The following TENM4 variants were observed in gnomAD, a reference collection of about 807,000 sequenced individuals.
TENM4 encodes teneurin-4.
In TENM4, 82 loss-of-function variants were observed where a neutral mutation model predicts 243.3. That is an observed-to-expected ratio of 0.34 (90% CI 0.28 to 0.40). The LOEUF (loss-of-function observed/expected upper bound fraction) is 0.40. Ranked by LOEUF, TENM4 falls within the 10% of genes least tolerant of loss-of-function variation. TENM4 has a pLI of 1.00. For synonymous variants in TENM4, 1,412 were observed against 1,456.3 expected (o/e 0.97, Z 0.69); for missense variants, 3,138 against 3,673.3 (o/e 0.85, Z 3.77).
intron 6 of TENM4, among the ~76,000 whole-genome samples, chr11:79,037,409 G>C (rs528970417): frequency 1.3e-5 from 2 of 152,354 alleles, no homozygotes; most frequent in Non-Finnish European, 2.9e-5. Flanking sequence ...TTATGCATCT[G>C]GAGGGTCTAA....
chr11:78,717,543 A>T (rs542486875), intron 25 of TENM4, among the ~76,000 whole-genome samples: 1 of 152,352 alleles, frequency 6.6e-6, no homozygotes, highest in South Asian at 2.1e-4. Flanking sequence ...TGAAGCTGAG[A>T]AATGGGGATA....
At position 78,722,666 on chromosome 11, in the gene TENM4, A is replaced by G; in HGVS notation, c.3800+2T>C. ...CTATGAAGAAAGCATCACCTTACAT[A>G]CCTCAGCTCTAGGATGTTGGTGACA... On this transcript the variant is annotated splice_donor_variant, in intron 24 of 33. Transcript: ENST00000278550. LOFTEE classifies it high-confidence loss of function. 1 of 1,610,632 alleles carries G rather than the reference A, an allele frequency of 6.2e-7. No individual in the cohort carries two copies. The highest frequency in any genetic ancestry group is 8.5e-7 in the Non-Finnish European group (1 of 1,177,142).
At chr11:78,953,721 T>C (rs1488198472) in intron 6 of TENM4, among the ~76,000 whole-genome samples, 1 of 152,214 alleles carries the variant, frequency 6.6e-6, no homozygotes, top group Non-Finnish European at 1.5e-5. Flanking sequence ...GTCTGTAAGT[T>C]ATATGCAAAT....
At chr11:78,792,913 C>T (rs1263469813) in intron 15 of TENM4, among the ~76,000 whole-genome samples, 1 of 152,156 alleles carries the variant, frequency 6.6e-6, no homozygotes, top group Non-Finnish European at 1.5e-5. Flanking sequence ...CCAAGTCACA[C>T]TTGTTCTCTT....
intron 2 of TENM4, among the ~76,000 whole-genome samples, chr11:79,280,107 G>C (rs577990253): frequency 4.1e-4 from 63 of 152,158 alleles, no homozygotes; most frequent in Non-Finnish European, 8.4e-4. Flanking sequence ...CTTGATCTTA[G>C]ACTTCCAGTC....
At chr11:79,411,346 T>C (rs1370048910) in intron 1 of TENM4, among the ~76,000 whole-genome samples, 1 of 152,216 alleles carries the variant, frequency 6.6e-6, no homozygotes, top group African/African-American at 2.4e-5. Context: ...TGATAACTAA[T>C]ACAATGCCCT....
intron 6 of TENM4, among the ~76,000 whole-genome samples, chr11:78,929,702 C>G (rs1006404360): frequency 1.3e-4 from 20 of 152,146 alleles, no homozygotes; most frequent in Non-Finnish European, 2.8e-4. Flanking sequence ...TGCATAAATA[C>G]AGCCAAGCCA....
At chr11:78,971,894 A>T (rs59280812) in intron 6 of TENM4, among the ~76,000 whole-genome samples, 2,784 of 152,310 alleles carry the variant, frequency 0.018, 72 homozygotes, top group African/African-American at 0.054. Context: ...TTGTAAGATA[A>T]GTTTATAAAG....
intron 6 of TENM4, among the ~76,000 whole-genome samples, chr11:78,988,337 C>A (rs1213375414): frequency 6.6e-6 from 1 of 152,200 alleles, no homozygotes; most frequent in Admixed American, 6.5e-5. Flanking sequence ...ATGGCTGTAA[C>A]CCTGGCTGAC....
chr11:78,839,012 A>T (rs190174243), intron 12 of TENM4, among the ~76,000 whole-genome samples: 1 of 152,292 alleles, frequency 6.6e-6, no homozygotes, highest in African/African-American at 2.4e-5. Flanking sequence ...AAATTTTTAC[A>T]TGTAACTGGT....
intron 6 of TENM4, among the ~76,000 whole-genome samples, chr11:78,919,975 C>A (rs1856412704): frequency 6.6e-6 from 1 of 152,160 alleles, no homozygotes; most frequent in Non-Finnish European, 1.5e-5. Flanking sequence ...CTGTGCTTGT[C>A]CAGCTAGCAC....
At chr11:79,194,182 G>A (rs1047646898) in intron 3 of TENM4, among the ~76,000 whole-genome samples, 2 of 151,924 alleles carry the variant, frequency 1.3e-5, no homozygotes, top group Non-Finnish European at 2.9e-5. Flanking sequence ...CTCCCACCAT[G>A]ATTCTGAGGC....
At chr11:79,182,453 T>C (rs1459624616) in intron 3 of TENM4, among the ~76,000 whole-genome samples, 1 of 152,108 alleles carries the variant, frequency 6.6e-6, no homozygotes, top group Non-Finnish European at 1.5e-5. Context: ...AAATGTAAAA[T>C]GCAAAACTAC....
chr11:78,938,521 T>A (rs1856831316), intron 6 of TENM4, among the ~76,000 whole-genome samples: 1 of 152,186 alleles, frequency 6.6e-6, no homozygotes, highest in Non-Finnish European at 1.5e-5. Flanking sequence ...TTGCATTTCA[T>A]AGTCAATTTT....
chr11:79,374,552 C>CTATATATATATATATATATATATAGA (rs11281237), intron 1 of TENM4, among the ~76,000 whole-genome samples: 1 of 150,834 alleles, frequency 6.6e-6, no homozygotes, highest in African/African-American at 2.4e-5. Flanking sequence ...ATCTATATAT[C>CTATATATATATATATATATATATAGA]TATATAGATA....
intron 1 of TENM4, among the ~76,000 whole-genome samples, chr11:79,373,330 CTGGATGGATGGATGGA>C (rs1289784552): frequency 3.1e-5 from 3 of 96,138 alleles, no homozygotes; most frequent in African/African-American, 1.6e-4. Flanking sequence ...GGCTGGCTGG[CTGGATGGATGGATGGA>C]TGGATGGATC....
chr11:78,759,601 T>G (rs1229263708), intron 18 of TENM4, among the ~76,000 whole-genome samples: 2 of 152,238 alleles, frequency 1.3e-5, no homozygotes, highest in Non-Finnish European at 2.9e-5. Flanking sequence ...TGAGAAGGGA[T>G]GTCTGCTCTC....
intron 1 of TENM4, among the ~76,000 whole-genome samples, chr11:79,337,155 T>A (rs1857161655): frequency 6.6e-6 from 1 of 152,224 alleles, no homozygotes; most frequent in South Asian, 2.1e-4. Flanking sequence ...AACTTACAAT[T>A]TACCAAAGCC....
intron 4 of TENM4, among the ~76,000 whole-genome samples, chr11:79,129,097 C>A (rs1303663762): frequency 6.6e-6 from 1 of 152,160 alleles, no homozygotes; most frequent in East Asian, 1.9e-4. Context: ...AACACATACC[C>A]CCACTGGAGA....
Sources: gnomAD v4.1 joint callset for allele counts (sites outside exome capture counted in the v4.1 genomes callset) on GRCh38, gnomAD v4.1.1 for gene constraint, MANE v1.5 for transcripts, NCBI Gene and HGNC (gene_info 2026-07-23, HGNC 2026-07-21) for gene names.